WEE1: variants seen among roughly 807,000 people sequenced by gnomAD.
WEE1 encodes the protein wee1-like protein kinase.
Under a neutral mutation model 68.8 loss-of-function variants are expected in WEE1, and 16 were observed. The observed-to-expected ratio is 0.23, with a 90% CI of 0.16 to 0.35. The LOEUF (loss-of-function observed/expected upper bound fraction) is 0.35, where lower values mean the gene tolerates loss of function less well. Ranked by LOEUF, WEE1 falls within the 10% of genes least tolerant of loss-of-function variation. The pLI, the probability that WEE1 is intolerant of heterozygous loss-of-function variation, is 1.00. For synonymous variants in WEE1, 349 were observed against 318.7 expected (o/e 1.09, Z -1.01); for missense variants, 651 against 824.1 (o/e 0.79, Z 2.57).
At position 9,576,670 on chromosome 11, in the gene WEE1, A is replaced by C. The variant is rs768377459; in HGVS notation, c.1019+11A>C. On this transcript the variant is annotated intron_variant, in intron 4 of 10. Transcript: ENST00000450114. The surrounding 1 kb of genome is among the most constrained non-coding windows in gnomAD (Gnocchi z 4.3). ...GGGCTCTGTTGATGAGTATGTATTA[A>C]ACATTTTGTCTTTTGCTCTTTTGTC... 1 of 1,603,382 alleles carries C rather than the reference A, an allele frequency of 6.2e-7. No individual in the cohort carries two copies. Among genetic ancestry groups the C allele is most frequent in the Non-Finnish European group, 8.5e-7 (1 of 1,176,672 alleles).
intron 10 of WEE1, among the ~76,000 whole-genome samples, chr11:9,587,191 G>A (rs1849710505): frequency 1.3e-5 from 2 of 152,138 alleles, no homozygotes; most frequent in African/African-American, 2.4e-5. Context: ...GAACTCCTGG[G>A]CTCAAACCAT....
intron 6 of WEE1, 198 bp from the exon 7 acceptor site, chr11:9,585,060 C>G (rs1225593870): frequency 3.6e-6 from 2 of 556,536 alleles, no homozygotes; most frequent in Admixed American, 6.8e-5. Flanking sequence ...AGCACACTGT[C>G]TCAAAAAAAA....
At chr11:9,575,766 G>A in intron 1 of WEE1, 122 bp from the exon 2 acceptor site, 1 of 767,912 alleles carries the variant, frequency 1.3e-6, no homozygotes, top group East Asian at 2.7e-5. Context: ...CTCTAACAAA[G>A]GCTTGTGTGT....
At chr11:9,587,458 CT>C (rs1849714132) in intron 10 of WEE1, among the ~76,000 whole-genome samples, 1 of 152,198 alleles carries the variant, frequency 6.6e-6, no homozygotes, top group Non-Finnish European at 1.5e-5. Context: ...CTATACCAAT[CT>C]TTTCTTCCCA....
At position 9,585,434 on chromosome 11, in the gene WEE1, AC is replaced by A. The variant is rs748563069; in HGVS notation, c.1385-7del. 2 of 1,608,248 alleles carry A rather than the reference AC, an allele frequency of 1.2e-6. No individual in the cohort carries two copies. Among genetic ancestry groups the A allele is most frequent in the South Asian group, 2.2e-5 (2 of 89,660 alleles). ...TGCTCTTCACTGTAAGTTTTTCAAT[AC>A]TTCTAGGTGATCTTGGGCATGTAAC... On this transcript the variant is annotated splice_polypyrimidine_tract_variant and splice_region_variant and intron_variant, in intron 7 of 10. Transcript: ENST00000450114.
chr11:9,577,706 T>C (rs544128946), intron 5 of WEE1: 1 of 325,322 alleles, frequency 3.1e-6, no homozygotes, highest in South Asian at 2.5e-5. Flanking sequence ...AGCTGTTTCT[T>C]TAAGCATTCT....
chr11:9,585,139 G>A, intron 6 of WEE1, 119 bp from the exon 7 acceptor site: 1 of 791,756 alleles, frequency 1.3e-6, no homozygotes, highest in Non-Finnish European at 2.1e-6. Flanking sequence ...ATGGGTTTGG[G>A]CTAGAACTTG....
chr11:9,582,000 A>G (rs1849633437), intron 6 of WEE1, among the ~76,000 whole-genome samples: 1 of 152,234 alleles, frequency 6.6e-6, no homozygotes, highest in Admixed American at 6.5e-5. Flanking sequence ...AGTAGCCGGG[A>G]CTATAGGCAT....
chr11:9,573,948 C>A lies in WEE1; in HGVS notation c.15C>A (p.Ser5Arg). 7.8e-7 allele frequency: 1 copy of A among 1,289,374 alleles called. No individual in the cohort carries two copies. Among genetic ancestry groups the A allele is most frequent in the Non-Finnish European group, 9.8e-7 (1 of 1,018,558 alleles). The allele number at this position is 1,289,374 out of a possible 1,614,324, so 79.9% of individuals were successfully genotyped here. A position where few individuals can be genotyped will look rare whatever the true frequency, so the allele number is the denominator to read the frequency against. ...CCAGGGCCGCGATGAGCTTCCTGAGCCGACAGCAGCCGCCGCCACCCCGCC... is the reference window on the plus strand; with the variant it reads ...CCAGGGCCGCGATGAGCTTCCTGAGACGACAGCAGCCGCCGCCACCCCGCC... MSFL[S>R]RQQPPPPRRA... Residue 5 changes from serine to arginine, a missense_variant, in exon 1 of 11, where the codon AGC becomes AGA. Ser to Arg is a moderately radical substitution (Grantham distance 110). This residue lies in a region of WEE1 where 395 missense variants were observed against 378.4 expected (regional missense o/e 1.04). Coordinates refer to ENST00000450114, the MANE Select transcript of WEE1 (RefSeq NM_003390.4).
Position 9,576,197 on chromosome 11 carries a change from G to C in WEE1, c.783-33G>C. On this transcript the variant is annotated intron_variant, in intron 2 of 10. Coordinates refer to ENST00000450114, the MANE Select transcript of WEE1 (RefSeq NM_003390.4). This position sits in a 1 kb window ranked among gnomAD's most constrained non-coding sequence, Gnocchi z 4.3. ...TTTAATGGCATGGATGTATCTGTCA[G>C]ATATATTGATAGAAAAATAACATTT... 1 of 1,566,418 alleles carries C rather than the reference G, an allele frequency of 6.4e-7. No individual in the cohort carries two copies. The highest frequency in any genetic ancestry group is 8.7e-7 in the Non-Finnish European group (1 of 1,150,092).
intron 6 of WEE1, 166 bp from the exon 7 acceptor site, chr11:9,585,091 CT>C: frequency 1.6e-6 from 1 of 609,454 alleles, no homozygotes; most frequent in Non-Finnish European, 2.8e-6. Flanking sequence ...TTCCCAGCAA[CT>C]ATAACCCTGG....
chr11:9,576,252 G>C lies in WEE1; in HGVS notation c.805G>C (p.Ala269Pro). The C allele has an allele frequency of 2.0e-6, 3 of 1,517,330 alleles. No individual in the cohort carries two copies. Among genetic ancestry groups the C allele is most frequent in the Non-Finnish European group, 2.7e-6 (3 of 1,115,238 alleles). 94.0% of individuals were successfully genotyped at this position (1,517,330 alleles called of 1,614,324 possible). ...WNDSCGEDME[A>P]SDYELEDETR... ...TAGTTCCTGTGGTGAAGACATGGAA[G>C]CCAGTGATTATGAGCTTGAAGATGA... Residue 269 changes from alanine to proline, a missense_variant, in exon 3 of 11, where the codon GCC (alanine) becomes CCC (proline). By Grantham distance (27) the Ala-to-Pro change is conservative. Around this residue, in one of 5 missense-constraint regions of WEE1, gnomAD observed 395 missense variants for 378.4 expected, o/e 1.04. Transcript: ENST00000450114. The surrounding 1 kb of genome is among the most constrained non-coding windows in gnomAD (Gnocchi z 4.3).
intron 9 of WEE1, 25 bp from the exon 10 acceptor site, chr11:9,586,685 AC>A: frequency 1.9e-6 from 3 of 1,611,230 alleles, no homozygotes; most frequent in Non-Finnish European, 2.5e-6. Flanking sequence ...GCATGTCTTT[AC>A]CTTCATTTTA....
At chr11:9,577,112 A>G in intron 4 of WEE1, 30 bp from the exon 5 acceptor site, 1 of 1,582,356 alleles carries the variant, frequency 6.3e-7, no homozygotes, top group Non-Finnish European at 8.6e-7. Context: ...AAAATTATTT[A>G]CCATTCTATT....
chr11:9,581,542 A>T lies in WEE1; in HGVS notation c.1152A>T (p.Leu384Phe). ...TTCTATCTTTGTTAGGTGGAAGTTT[A>T]GCTGATGCTATAAGTGAAAACTACA... ...IQNEYCNGGSLADAISENYRI... is the reference protein window; with the variant it reads ...IQNEYCNGGSFADAISENYRI... The change falls in exon 6 of 11, where the codon TTA (leucine) becomes TTT (phenylalanine). Residue 384 changes from leucine (L) to phenylalanine (F), a missense_variant. By Grantham distance (22) the Leu-to-Phe change is conservative. This residue lies in a region of WEE1 where 82 missense variants were observed against 123.2 expected (regional missense o/e 0.67). Transcript: ENST00000450114. 1 of 1,594,782 alleles carries T rather than the reference A, an allele frequency of 6.3e-7. No individual in the cohort carries two copies. The highest frequency in any genetic ancestry group is 8.5e-7 in the Non-Finnish European group (1 of 1,175,532).
At position 9,589,518 on chromosome 11, in the gene WEE1, T is replaced by C; in HGVS notation, c.*916T>C. On this transcript the variant is annotated 3_prime_UTR_variant, in exon 11 of 11. Transcript: ENST00000450114. ...AATATTTGTGTATATAAACCGATCTTCGTGATACTGTACATAGCTGTTTGA... is the reference window on the plus strand; with the variant it reads ...AATATTTGTGTATATAAACCGATCTCCGTGATACTGTACATAGCTGTTTGA... 1 of 985,600 alleles carries C rather than the reference T, an allele frequency of 1.0e-6. No individual in the cohort carries two copies. Among genetic ancestry groups the C allele is most frequent in the Non-Finnish European group, 1.2e-6 (1 of 829,888 alleles). The allele number at this position is 985,600 out of a possible 1,614,324, so 61.1% of individuals were successfully genotyped here.
chr11:9,577,169 T>C lies in WEE1; in HGVS notation c.1047T>C (p.Ala349=). The change falls in exon 5 of 11, where the codon GCT becomes GCC. Residue 349 remains alanine, a synonymous_variant. Coordinates refer to ENST00000450114, the MANE Select transcript of WEE1 (RefSeq NM_003390.4). ...DEQNALREVY[A]HAVLGQHSHV... is the part of the protein sequence containing the mutation. The stretch of plus-strand genomic sequence containing the variant: ...AGAACGCTTTGAGAGAAGTATATGC[T>C]CATGCAGTGCTTGGACAGCATTCTC... 1 of 1,613,534 alleles carries C rather than the reference T, an allele frequency of 6.2e-7. No homozygotes were observed. The highest frequency in any genetic ancestry group is 8.5e-7 in the Non-Finnish European group (1 of 1,179,744).
chr11:9,578,879 T>TTTA (rs1849592585), intron 5 of WEE1: 2 of 142,168 alleles, frequency 1.4e-5, no homozygotes, highest in South Asian at 2.2e-4. Flanking sequence ...GAAAATAAGT[T>TTTA]TTTATTTATT....
intron 6 of WEE1, among the ~76,000 whole-genome samples, chr11:9,583,756 C>T (rs1389850394): frequency 1.8e-3 from 11 of 6,014 alleles, no homozygotes; most frequent in Non-Finnish European, 2.9e-3. Flanking sequence ...TGCGTGCACG[C>T]GCGCGCACAC....
Sources: gnomAD v4.1 joint callset for allele counts (sites outside exome capture counted in the v4.1 genomes callset) on GRCh38, gnomAD v4.1.1 for gene constraint, gnomAD v4.1.1 regional missense constraint, Gnocchi (gnomAD v3.1) non-coding constraint, MANE v1.5 for transcripts, NCBI Gene and HGNC (gene_info 2026-07-23, HGNC 2026-07-21) for gene names.